The following CNTNAP2 variants were observed in gnomAD, a reference collection of about 807,000 sequenced individuals.
CNTNAP2 encodes contactin associated protein 2, also known as contactin-associated protein-like 2.
In CNTNAP2, 98 loss-of-function variants were observed where a neutral mutation model predicts 155.2. The ratio of observed to expected loss-of-function variants is 0.63; its 90% CI spans 0.54 to 0.75. The LOEUF (loss-of-function observed/expected upper bound fraction) is 0.75. Ranked by LOEUF, CNTNAP2 falls within the 30% of genes least tolerant of loss-of-function variation. CNTNAP2 has a pLI of 0.00. For synonymous variants in CNTNAP2, 651 were observed against 631.2 expected (o/e 1.03, Z -0.47); for missense variants, 1,727 against 1,688.1 (o/e 1.02, Z -0.40).
chr7:147,593,081 C>T (rs1800769238), intron 12 of CNTNAP2, among the ~76,000 whole-genome samples: 1 of 152,044 alleles, frequency 6.6e-6, no homozygotes, highest in Admixed American at 6.6e-5. Context: ...GTAACTCTTA[C>T]AAAACAAACA....
chr7:146,736,838 A>G (rs1487406987), intron 1 of CNTNAP2, among the ~76,000 whole-genome samples: 3 of 152,214 alleles, frequency 2.0e-5, no homozygotes, highest in Admixed American at 6.5e-5. Context: ...AAAGTAAAAA[A>G]GTAACATTGT....
chr7:146,997,172 G>T (rs1020610032), intron 3 of CNTNAP2, among the ~76,000 whole-genome samples: 5 of 152,088 alleles, frequency 3.3e-5, no homozygotes, highest in African/African-American at 9.7e-5. Flanking sequence ...CAGGGGAAAA[G>T]ATTTCATCTT....
intron 22 of CNTNAP2, among the ~76,000 whole-genome samples, chr7:148,404,039 T>C (rs1799646544): frequency 6.6e-6 from 1 of 152,274 alleles, no homozygotes; most frequent in African/African-American, 2.4e-5. Flanking sequence ...ATAAGAAACC[T>C]GCCTCACTGT....
At chr7:147,884,961 G>C (rs1799580835) in intron 13 of CNTNAP2, among the ~76,000 whole-genome samples, 1 of 152,232 alleles carries the variant, frequency 6.6e-6, no homozygotes, top group South Asian at 2.1e-4. Context: ...GAGACCTCAG[G>C]TTTTGAGCTG....
intron 21 of CNTNAP2, among the ~76,000 whole-genome samples, chr7:148,316,769 CT>C (rs1375364451): frequency 6.6e-6 from 1 of 152,174 alleles, no homozygotes; most frequent in Non-Finnish European, 1.5e-5. Context: ...CTATTGCGAT[CT>C]CATTTTGCAG....
chr7:146,271,534 T>C (rs920349337), intron 1 of CNTNAP2, among the ~76,000 whole-genome samples: 11 of 151,952 alleles, frequency 7.2e-5, no homozygotes, highest in South Asian at 4.2e-4. Context: ...AAGTAAATAA[T>C]ATACGGTTTA....
At chr7:146,605,001 C>A (rs1483348503) in intron 1 of CNTNAP2, among the ~76,000 whole-genome samples, 2 of 142,282 alleles carry the variant, frequency 1.4e-5, no homozygotes, top group Non-Finnish European at 3.1e-5. Flanking sequence ...GTGCAGTGCA[C>A]CAGCATGGCA....
At chr7:146,645,249 A>G (rs1439493775) in intron 1 of CNTNAP2, among the ~76,000 whole-genome samples, 1 of 152,182 alleles carries the variant, frequency 6.6e-6, no homozygotes, top group Non-Finnish European at 1.5e-5. Context: ...ATCACAAGAA[A>G]AAAATCATGG....
At chr7:146,815,644 T>A (rs919918873) in intron 2 of CNTNAP2, among the ~76,000 whole-genome samples, 1 of 152,198 alleles carries the variant, frequency 6.6e-6, no homozygotes, top group African/African-American at 2.4e-5. Context: ...ACAAATTGAG[T>A]ACTTAGTAAA....
chr7:146,482,104 G>T (rs988830118), intron 1 of CNTNAP2, among the ~76,000 whole-genome samples: 6 of 148,624 alleles, frequency 4.0e-5, no homozygotes, highest in African/African-American at 1.2e-4. Context: ...GTTAGTCAAA[G>T]CAACAGTCAC....
intron 1 of CNTNAP2, among the ~76,000 whole-genome samples, chr7:146,487,241 T>C (rs2129130305): frequency 6.6e-6 from 1 of 152,314 alleles, no homozygotes; most frequent in East Asian, 1.9e-4. Context: ...CAATGATTGG[T>C]ACTTAATTTT....
intron 22 of CNTNAP2, among the ~76,000 whole-genome samples, chr7:148,386,343 C>G (rs1799195364): frequency 1.3e-5 from 2 of 152,072 alleles, no homozygotes; most frequent in Admixed American, 1.3e-4. Flanking sequence ...GCCTGACCAA[C>G]ACGGTGAAAG....
chr7:148,050,498 G>A (rs1802868117), intron 15 of CNTNAP2, among the ~76,000 whole-genome samples: 1 of 152,140 alleles, frequency 6.6e-6, no homozygotes, highest in Non-Finnish European at 1.5e-5. Flanking sequence ...TTTAAGCTGT[G>A]TTATCACAAA....
At chr7:147,822,968 C>G (rs1440123914) in intron 13 of CNTNAP2, among the ~76,000 whole-genome samples, 1 of 152,154 alleles carries the variant, frequency 6.6e-6, no homozygotes, top group African/African-American at 2.4e-5. Context: ...CAGAAGGAAA[C>G]CTTGTCTTCT....
At chr7:147,277,320 A>G (rs1804919396) in intron 8 of CNTNAP2, among the ~76,000 whole-genome samples, 1 of 152,010 alleles carries the variant, frequency 6.6e-6, no homozygotes, top group Non-Finnish European at 1.5e-5. Flanking sequence ...ACATGTCATA[A>G]TGAGCCTTTG....
chr7:146,398,237 C>T (rs900748213), intron 1 of CNTNAP2, among the ~76,000 whole-genome samples: 1 of 144,680 alleles, frequency 6.9e-6, no homozygotes, highest in African/African-American at 2.7e-5. Flanking sequence ...CGTTCTCCCA[C>T]TGCTAATTTG....
Position 147,747,432 on chromosome 7 carries a change from T to C in CNTNAP2, c.2098+108126T>C, listed in dbSNP as rs200309470. ...TTCTTACCAAATTGTATTTCTATTCTTTTTTTATGGCTGAGTAATATTCTC... is the reference window on the plus strand; with the variant it reads ...TTCTTACCAAATTGTATTTCTATTCCTTTTTTATGGCTGAGTAATATTCTC... On this transcript the variant is annotated intron_variant, in intron 13 of 23. Coordinates refer to ENST00000361727, the MANE Select transcript of CNTNAP2 (RefSeq NM_014141.6). Among the ~76,000 whole-genome samples the C allele has an allele frequency of 1.0e-4, 15 of 150,186 alleles. No homozygotes were observed. The East Asian group carries it at 2.7e-3, about 27-fold the overall frequency.
chr7:146,943,133 T>A (rs1010433015), intron 3 of CNTNAP2, among the ~76,000 whole-genome samples: 3 of 152,224 alleles, frequency 2.0e-5, no homozygotes, highest in African/African-American at 7.2e-5. Flanking sequence ...CTGTTGACCA[T>A]AAGCCTTACT....
At chr7:147,012,833 C>G (rs537241399) in intron 3 of CNTNAP2, among the ~76,000 whole-genome samples, 12 of 152,002 alleles carry the variant, frequency 7.9e-5, no homozygotes, top group Non-Finnish European at 1.5e-4. Context: ...CCAATCCTGC[C>G]CAAAACTATG....
Sources: allele counts gnomAD v4.1 joint callset (sites outside exome capture counted in the v4.1 genomes callset), GRCh38; gene constraint gnomAD v4.1.1; transcripts MANE v1.5; gene names NCBI Gene and HGNC (gene_info 2026-07-23, HGNC 2026-07-21).